The following CORO2B variants were observed in gnomAD, a reference collection of about 807,000 sequenced individuals.
CORO2B encodes the protein coronin 2B.
Under a neutral mutation model 58.8 loss-of-function variants are expected in CORO2B, and 26 were observed. The ratio of observed to expected loss-of-function variants is 0.44; its 90% CI spans 0.32 to 0.61. CORO2B has a LOEUF of 0.61. Among genes scored for constraint, CORO2B ranks in the 20% least tolerant of loss-of-function variants. CORO2B has a pLI of 0.04. For missense variants in CORO2B, 460 were observed against 645.1 expected (o/e 0.71, Z 3.11); for synonymous variants, 242 against 253.8 (o/e 0.95, Z 0.44).
intron 1 of CORO2B, among the ~76,000 whole-genome samples, chr15:68,594,113 A>G (rs1899770283): frequency 6.6e-6 from 1 of 152,182 alleles, no homozygotes; most frequent in Non-Finnish European, 1.5e-5. Flanking sequence ...GTCTGAACGA[A>G]TAAACAAAAG....
At chr15:68,653,596 C>T (rs1042005826) in intron 2 of CORO2B, among the ~76,000 whole-genome samples, 2 of 152,132 alleles carry the variant, frequency 1.3e-5, no homozygotes, top group Admixed American at 6.5e-5. Flanking sequence ...GCCCTTAGAA[C>T]GATATTGCAT....
At chr15:68,615,611 C>T (rs1265987863) in intron 1 of CORO2B, among the ~76,000 whole-genome samples, 1 of 152,070 alleles carries the variant, frequency 6.6e-6, no homozygotes, top group Non-Finnish European at 1.5e-5. Flanking sequence ...TAACCAGTCA[C>T]CTTTATGATA....
the CORO2B span, among the ~76,000 whole-genome samples, chr15:68,560,471 A>T: frequency 0.17 from 26,047 of 151,352 alleles, 2,564 homozygotes; most frequent in Middle Eastern, 0.25. Flanking sequence ...ATTAAAGACA[A>T]TTTTTTTTGT....
At chr15:68,549,169 C>T in the CORO2B span, among the ~76,000 whole-genome samples, 1 of 152,200 alleles carries the variant, frequency 6.6e-6, no homozygotes, top group African/African-American at 2.4e-5. Flanking sequence ...AATCCTACTA[C>T]TCAGAAACAA....
At chr15:68,575,581 C>CCCCCCT (rs1028353064), upstream of CORO2B, among the ~76,000 whole-genome samples, 2 of 92,902 alleles carry the variant, frequency 2.2e-5, 1 homozygote, top group Non-Finnish European at 5.3e-5. Context: ...TGATCTGCCC[C>CCCCCCT]CGCCTCGGCC....
intron 1 of CORO2B, among the ~76,000 whole-genome samples, chr15:68,601,513 C>T (rs774939023): frequency 8.5e-5 from 13 of 152,124 alleles, no homozygotes; most frequent in Non-Finnish European, 1.3e-4. Flanking sequence ...GCGTGCAGTG[C>T]GAGGAGGGCT....
intron 2 of CORO2B, among the ~76,000 whole-genome samples, chr15:68,692,689 A>G (rs1353860212): frequency 2.0e-5 from 3 of 147,000 alleles, no homozygotes; most frequent in Admixed American, 6.8e-5. Context: ...ACTGGAGTGC[A>G]GTGGTGTGAT....
the CORO2B span, among the ~76,000 whole-genome samples, chr15:68,548,004 C>T: frequency 6.6e-6 from 1 of 151,878 alleles, no homozygotes; most frequent in East Asian, 2.0e-4. Context: ...AACCCTGTCT[C>T]TACTAAAAAT....
chr15:68,637,202 G>T (rs1901057327), intron 1 of CORO2B, among the ~76,000 whole-genome samples: 2 of 152,224 alleles, frequency 1.3e-5, no homozygotes, highest in African/African-American at 4.8e-5. Flanking sequence ...AAATGGCACA[G>T]TCCATGCACC....
At chr15:68,571,316 G>A in the CORO2B span, among the ~76,000 whole-genome samples, 1 of 152,224 alleles carries the variant, frequency 6.6e-6, no homozygotes, top group Non-Finnish European at 1.5e-5. Flanking sequence ...GGGAACTGCA[G>A]AGGCAAGGAG....
the CORO2B span, among the ~76,000 whole-genome samples, chr15:68,547,506 T>C: frequency 2.7e-4 from 41 of 152,276 alleles, no homozygotes; most frequent in East Asian, 4.8e-3. Flanking sequence ...TTTTTTATGC[T>C]AATTTTTTTG....
chr15:68,605,784 G>A (rs1014571213), intron 1 of CORO2B, among the ~76,000 whole-genome samples: 26 of 147,416 alleles, frequency 1.8e-4, no homozygotes, highest in African/African-American at 2.8e-4. Context: ...GTGCAGTGGC[G>A]CAATATCTCA....
At chr15:68,599,724 C>T (rs975573249) in intron 1 of CORO2B, among the ~76,000 whole-genome samples, 51 of 152,182 alleles carry the variant, frequency 3.4e-4, no homozygotes, top group African/African-American at 1.2e-3. Flanking sequence ...GACCTCATGA[C>T]AGTAGTGTGC....
intron 1 of CORO2B, among the ~76,000 whole-genome samples, chr15:68,587,802 G>GAGGTA (rs1899604791): frequency 6.6e-6 from 1 of 152,220 alleles, no homozygotes; most frequent in East Asian, 1.9e-4. Flanking sequence ...GGAAGGAAGG[G>GAGGTA]AGGTAACTTT....
the CORO2B span, among the ~76,000 whole-genome samples, chr15:68,530,271 G>C: frequency 6.6e-6 from 1 of 152,240 alleles, no homozygotes; most frequent in East Asian, 1.9e-4. Flanking sequence ...CTTGCAGTGA[G>C]CCAAGATGGC....
At chr15:68,614,824 C>T (rs1900315615) in intron 1 of CORO2B, among the ~76,000 whole-genome samples, 1 of 152,236 alleles carries the variant, frequency 6.6e-6, no homozygotes, top group Non-Finnish European at 1.5e-5. Context: ...GACTGTGCCC[C>T]TCACAGCCTC....
chr15:68,637,182 A>G (rs1901057001), intron 1 of CORO2B, among the ~76,000 whole-genome samples: 1 of 152,214 alleles, frequency 6.6e-6, no homozygotes, highest in South Asian at 2.1e-4. Flanking sequence ...GAGAGACGCT[A>G]TGCTGAGAGA....
At chr15:68,664,563 C>T (rs534822697) in intron 2 of CORO2B, among the ~76,000 whole-genome samples, 36 of 152,148 alleles carry the variant, frequency 2.4e-4, no homozygotes, top group African/African-American at 8.2e-4. Context: ...AGGAGAATGG[C>T]GTGAACCCGG....
intron 1 of CORO2B, among the ~76,000 whole-genome samples, chr15:68,595,841 G>A (rs903155814): frequency 6.6e-6 from 1 of 152,190 alleles, no homozygotes; most frequent in African/African-American, 2.4e-5. Context: ...AGCATTGAAT[G>A]CGAGTCCTAA....
Sources: allele counts gnomAD v4.1 joint callset (sites outside exome capture counted in the v4.1 genomes callset), GRCh38; gene constraint gnomAD v4.1.1; transcripts MANE v1.5; gene names NCBI Gene and HGNC (gene_info 2026-07-23, HGNC 2026-07-21).